The following PDE4D variants were observed in gnomAD, a reference collection of about 807,000 sequenced individuals.
The protein encoded by PDE4D is phosphodiesterase 4D, also known as 3',5'-cyclic-AMP phosphodiesterase 4D.
Under a neutral mutation model 87.4 loss-of-function variants are expected in PDE4D, and 24 were observed. The ratio of observed to expected loss-of-function variants is 0.27; its 90% CI spans 0.20 to 0.39. The LOEUF (loss-of-function observed/expected upper bound fraction) is 0.39, where lower values mean the gene tolerates loss of function less well. Ranked by LOEUF, PDE4D falls within the 10% of genes least tolerant of loss-of-function variation. The probability of loss-of-function intolerance (pLI) is 1.00; values close to 1 mark genes in which losing one functional copy is unlikely to be tolerated. For synonymous variants in PDE4D, 384 were observed against 383.2 expected, an observed-to-expected ratio of 1.00 and a Z score of -0.02; for missense variants, 714 against 1,041.0, an observed-to-expected ratio of 0.69 and a Z score of 4.32.
chr5:59,800,194 A>G (rs1361205993), intron 1 of PDE4D, among the ~76,000 whole-genome samples: 1 of 152,122 alleles, frequency 6.6e-6, no homozygotes, highest in Non-Finnish European at 1.5e-5. Flanking sequence ...GCAGTATTAT[A>G]TATGAAATGT....
chr5:60,383,844 A>G (rs563585842), intron 1 of PDE4D, among the ~76,000 whole-genome samples: 14 of 152,328 alleles, frequency 9.2e-5, no homozygotes, highest in African/African-American at 3.1e-4. Context: ...CTCATTTGGT[A>G]CTAAGAATTA....
At chr5:60,015,398 T>A (rs1406394806) in intron 2 of PDE4D, among the ~76,000 whole-genome samples, 1 of 152,178 alleles carries the variant, frequency 6.6e-6, no homozygotes, top group Admixed American at 6.5e-5. Flanking sequence ...GACCTGTGAC[T>A]TTCTTTCACC....
intron 1 of PDE4D, among the ~76,000 whole-genome samples, chr5:59,657,130 T>C (rs914938515): frequency 3.3e-5 from 5 of 152,200 alleles, no homozygotes; most frequent in Admixed American, 6.5e-5. Context: ...CAACACAAGA[T>C]ATTTTGAGAT....
intron 3 of PDE4D, among the ~76,000 whole-genome samples, chr5:59,927,521 T>C (rs1268109618): frequency 6.6e-6 from 1 of 152,232 alleles, no homozygotes; most frequent in Non-Finnish European, 1.5e-5. Context: ...CACATGTGAA[T>C]AAGAACATCA....
chr5:59,080,190 A>G (rs1353934500), intron 5 of PDE4D, among the ~76,000 whole-genome samples: 1 of 152,138 alleles, frequency 6.6e-6, no homozygotes, highest in Admixed American at 6.5e-5. Flanking sequence ...TGACCTCAGA[A>G]TGTGTCAGTG....
intron 1 of PDE4D, among the ~76,000 whole-genome samples, chr5:59,449,448 C>A (rs1357416274): frequency 1.3e-5 from 2 of 152,162 alleles, no homozygotes; most frequent in East Asian, 3.9e-4. Context: ...AAATGCTCTA[C>A]CCAGTAAAAC....
rs61144674 is a variant in PDE4D, at chr5:59,489,263, C to CA, written c.456-273296dup. Among the ~76,000 whole-genome samples the CA allele has an allele frequency of 4.6e-3, 568 of 122,178 alleles. 1 individual carries two copies. The highest frequency in any genetic ancestry group is 0.012 in the African/African-American group (397 of 32,950). The allele number at this position is 122,178 out of a possible 152,430, so 80.2% of individuals were successfully genotyped here. On this transcript the variant is annotated intron_variant, in intron 1 of 14. Transcript: ENST00000340635. The stretch of plus-strand genomic sequence containing the variant: ...CTGGCGACAGAGTGAGACTCCATCT[C>CA]AAAAAAAAAAAACAAAAAAAACAAA...
chr5:59,869,484 C>A (rs764571743), intron 1 of PDE4D, among the ~76,000 whole-genome samples: 3 of 152,142 alleles, frequency 2.0e-5, no homozygotes, highest in Non-Finnish European at 2.9e-5. Flanking sequence ...TGCATCAGAT[C>A]ATGCAGATTC....
At chr5:59,485,579 G>C (rs1804991560) in intron 1 of PDE4D, among the ~76,000 whole-genome samples, 1 of 151,214 alleles carries the variant, frequency 6.6e-6, no homozygotes, top group Non-Finnish European at 1.5e-5. Flanking sequence ...CATATTTTTA[G>C]GTTTATTATA....
intron 2 of PDE4D, among the ~76,000 whole-genome samples, chr5:60,031,199 T>C (rs187684197): frequency 6.6e-6 from 1 of 152,344 alleles, no homozygotes; most frequent in Admixed American, 6.5e-5. Flanking sequence ...TAGTGAGGAT[T>C]AACCACCTAT....
chr5:59,146,156 C>T (rs1462118825), intron 5 of PDE4D, among the ~76,000 whole-genome samples: 1 of 152,056 alleles, frequency 6.6e-6, no homozygotes, highest in Non-Finnish European at 1.5e-5. Flanking sequence ...TATATACATA[C>T]ACACCCAATA....
At chr5:59,329,025 G>A (rs1394948598) in intron 1 of PDE4D, among the ~76,000 whole-genome samples, 1 of 152,174 alleles carries the variant, frequency 6.6e-6, no homozygotes, top group African/African-American at 2.4e-5. Flanking sequence ...TGGTCAGTAT[G>A]TGGATCACCG....
At chr5:60,040,356 C>A (rs1205310849) in intron 2 of PDE4D, among the ~76,000 whole-genome samples, 6 of 152,182 alleles carry the variant, frequency 3.9e-5, no homozygotes, top group Non-Finnish European at 8.8e-5. Context: ...TTATCTGCCT[C>A]TACTCTCTCA....
chr5:59,216,382 A>G (rs1581428452), intron 1 of PDE4D, among the ~76,000 whole-genome samples: 1 of 151,604 alleles, frequency 6.6e-6, no homozygotes, highest in South Asian at 2.1e-4. Context: ...CTCCCTCCAC[A>G]CTCCTACCCT....
chr5:60,046,148 C>A (rs551366545), intron 2 of PDE4D, among the ~76,000 whole-genome samples: 192 of 152,284 alleles, frequency 1.3e-3, no homozygotes, highest in African/African-American at 4.4e-3. Flanking sequence ...GTAGTTCACT[C>A]ATGATTTGGC....
chr5:59,077,770 A>G (rs778307436), intron 5 of PDE4D, among the ~76,000 whole-genome samples: 27 of 151,886 alleles, frequency 1.8e-4, no homozygotes, highest in Non-Finnish European at 3.2e-4. Flanking sequence ...TTCCATTCCC[A>G]CCCATCAGAT....
At chr5:60,025,924 T>C (rs1020676283) in intron 2 of PDE4D, among the ~76,000 whole-genome samples, 4 of 152,156 alleles carry the variant, frequency 2.6e-5, no homozygotes, top group African/African-American at 9.7e-5. Flanking sequence ...TGAGTTAATT[T>C]ATTTTTTATA....
At chr5:59,023,698 C>G (rs1454963579) in intron 6 of PDE4D, among the ~76,000 whole-genome samples, 4 of 151,986 alleles carry the variant, frequency 2.6e-5, no homozygotes, top group Non-Finnish European at 4.4e-5. Context: ...ATGTAGAATA[C>G]TGTTTCTGGG....
intron 1 of PDE4D, among the ~76,000 whole-genome samples, chr5:60,404,194 T>C (rs1329228733): frequency 6.8e-6 from 1 of 148,012 alleles, no homozygotes; most frequent in African/African-American, 2.5e-5. Flanking sequence ...TCTCTCTCTA[T>C]TCATTTATCT....
Sources: gnomAD v4.1 joint callset for allele counts (sites outside exome capture counted in the v4.1 genomes callset) on GRCh38, gnomAD v4.1.1 for gene constraint, MANE v1.5 for transcripts, NCBI Gene and HGNC (gene_info 2026-07-23, HGNC 2026-07-21) for gene names.